The following PRKN variants were observed in gnomAD, a reference collection of about 807,000 sequenced individuals.
The protein encoded by PRKN is E3 ubiquitin-protein ligase parkin.
In PRKN, 56 loss-of-function variants were observed where a neutral mutation model predicts 59.5. The observed-to-expected ratio is 0.94, with a 90% CI of 0.76 to 1.18. The LOEUF (loss-of-function observed/expected upper bound fraction) is 1.18. PRKN is among the 50% of genes most tolerant of loss of function. The pLI, the probability that PRKN is intolerant of heterozygous loss-of-function variation, is 0.00. For synonymous variants in PRKN, 250 were observed against 222.1 expected (o/e 1.13, Z -1.12); for missense variants, 657 against 596.4 (o/e 1.10, Z -1.06).
At chr6:162,315,652 A>G (rs1782724896) in intron 2 of PRKN, among the ~76,000 whole-genome samples, 1 of 152,188 alleles carries the variant, frequency 6.6e-6, no homozygotes, top group Non-Finnish European at 1.5e-5. Context: ...CACTACCCAC[A>G]AAAAAGGTAG....
intron 2 of PRKN, chr6:162,265,259 C>T (rs1780077284): frequency 6.6e-6 from 1 of 152,186 alleles, no homozygotes. Context: ...CACGCCTGTA[C>T]ATTAGTGCGC....
At chr6:161,508,402 C>G (rs1277574788) in intron 9 of PRKN, among the ~76,000 whole-genome samples, 1 of 152,198 alleles carries the variant, frequency 6.6e-6, no homozygotes, top group African/African-American at 2.4e-5. Flanking sequence ...CCTTTAAAAA[C>G]CTGTCTCAAG....
rs397741750 is a variant in PRKN at position 161,417,448 on chromosome 6, CAAAA to C, written c.1084-30575_1084-30572del. Among the ~76,000 whole-genome samples the C allele has an allele frequency of 8.9e-6, 1 of 112,912 alleles. No homozygotes were observed. 74.1% of individuals were successfully genotyped at this position (112,912 alleles called of 152,430 possible). A position where few individuals can be genotyped will look rare whatever the true frequency, so the allele number is the denominator to read the frequency against. ...CTGGCAACAGAGCCAGACGCCGTTTCAAAAAAAAAAAAAAAAAGTCATCTAATGC... is the reference window on the plus strand; with the variant it reads ...CTGGCAACAGAGCCAGACGCCGTTTCAAAAAAAAAAAAAGTCATCTAATGC... On this transcript the variant is annotated intron_variant, in intron 9 of 11. Coordinates refer to ENST00000366898, the MANE Select transcript of PRKN (RefSeq NM_004562.3). This position sits in a 1 kb window ranked among gnomAD's most constrained non-coding sequence, Gnocchi z 5.4.
intron 6 of PRKN, among the ~76,000 whole-genome samples, chr6:161,900,928 A>ATATATTTTTT (rs377615355): frequency 8.0e-4 from 115 of 143,504 alleles, no homozygotes; most frequent in African/African-American, 2.8e-3. Context: ...ATATATATAT[A>ATATATTTTTT]TTTTTTAGAT....
At chr6:162,309,636 G>C (rs1009469303) in intron 2 of PRKN, among the ~76,000 whole-genome samples, 1 of 152,130 alleles carries the variant, frequency 6.6e-6, no homozygotes, top group Non-Finnish European at 1.5e-5. Context: ...CTGTGCGTAA[G>C]CTGTATGGAA....
chr6:161,424,124 T>C (rs932153277), intron 9 of PRKN, among the ~76,000 whole-genome samples: 3 of 151,812 alleles, frequency 2.0e-5, no homozygotes, highest in African/African-American at 7.3e-5. Flanking sequence ...ATCATTTGAG[T>C]CCAGGAGTTC....
intron 1 of PRKN, among the ~76,000 whole-genome samples, chr6:162,541,411 C>G (rs1340556864): frequency 1.3e-5 from 2 of 152,188 alleles, no homozygotes; most frequent in African/African-American, 4.8e-5. Context: ...CAGGGGCCAG[C>G]AAAGAGGCCA....
chr6:161,657,931 G>A (rs192921374), intron 7 of PRKN, among the ~76,000 whole-genome samples: 5 of 148,912 alleles, frequency 3.4e-5, no homozygotes, highest in African/African-American at 9.9e-5. Flanking sequence ...CAGGAGAATC[G>A]CTGGAACCCG....
chr6:161,798,249 T>G (rs1444568362), intron 6 of PRKN, among the ~76,000 whole-genome samples: 1 of 151,982 alleles, frequency 6.6e-6, no homozygotes, highest in Non-Finnish European at 1.5e-5. Context: ...AAAAATGAGT[T>G]CAGGTGCAAA....
chr6:161,994,574 A>G (rs1781769938), intron 5 of PRKN, among the ~76,000 whole-genome samples: 1 of 152,148 alleles, frequency 6.6e-6, no homozygotes, highest in Non-Finnish European at 1.5e-5. Flanking sequence ...AGAAAAACCT[A>G]GACTCCACCA....
intron 1 of PRKN, among the ~76,000 whole-genome samples, chr6:162,709,794 T>C (rs1363690177): frequency 1.3e-5 from 2 of 151,540 alleles, no homozygotes; most frequent in Admixed American, 1.3e-4. Flanking sequence ...GGAACATAGC[T>C]ATCTGGAGAA....
At position 161,449,923 on chromosome 6, in the gene PRKN, G is replaced by A. The variant is rs533398623; in HGVS notation, c.1084-63046C>T. Among the ~76,000 whole-genome samples, 9 of 152,202 alleles carry A rather than the reference G, an allele frequency of 5.9e-5. No individual in the cohort carries two copies. The South Asian group carries it at 1.5e-3, about 25-fold the overall frequency. On this transcript the variant is annotated intron_variant, in intron 9 of 11. Coordinates refer to ENST00000366898, the MANE Select transcript of PRKN (RefSeq NM_004562.3). ...TGCCATGACCCCCACACCCACCCAC[G>A]AGACTTTAGCTGTTCCAGAGCCAAC...
chr6:161,491,593 T>C (rs2115272793), intron 9 of PRKN, among the ~76,000 whole-genome samples: 1 of 152,304 alleles, frequency 6.6e-6, no homozygotes, highest in South Asian at 2.1e-4. Context: ...CCCAGCCATT[T>C]CATTTGCTCC....
chr6:162,222,437 T>G (rs182462135), intron 3 of PRKN, among the ~76,000 whole-genome samples: 39 of 152,266 alleles, frequency 2.6e-4, no homozygotes, highest in Admixed American at 6.5e-5. Flanking sequence ...TGAACTATCA[T>G]GCTGAGAGTC....
intron 7 of PRKN, among the ~76,000 whole-genome samples, chr6:161,774,612 G>A (rs1789843450): frequency 6.6e-6 from 1 of 152,158 alleles, no homozygotes; most frequent in African/African-American, 2.4e-5. Flanking sequence ...GGGCTGCTGT[G>A]GGTGACAGAA....
chr6:162,109,537 G>A (rs1562518942), intron 4 of PRKN, among the ~76,000 whole-genome samples: 1 of 152,188 alleles, frequency 6.6e-6, no homozygotes. Flanking sequence ...GACCAAGGAA[G>A]GAAAGCTACA....
At chr6:161,984,024 C>G (rs192305708) in intron 5 of PRKN, among the ~76,000 whole-genome samples, 3 of 152,124 alleles carry the variant, frequency 2.0e-5, no homozygotes, top group Non-Finnish European at 4.4e-5. Context: ...CCAATAAGCT[C>G]AGATGGCTGT....
chr6:162,313,527 C>T (rs994285245), intron 2 of PRKN, among the ~76,000 whole-genome samples: 8 of 151,760 alleles, frequency 5.3e-5, no homozygotes, highest in African/African-American at 1.9e-4. Flanking sequence ...TGCTCTTGTT[C>T]CCCAGGCTGG....
chr6:162,677,028 T>G (rs952524285), intron 1 of PRKN, among the ~76,000 whole-genome samples: 13 of 134,386 alleles, frequency 9.7e-5, no homozygotes, highest in Non-Finnish European at 3.0e-5. Context: ...GCAACTGCAC[T>G]CCAGCCTGGC....
Sources: gnomAD v4.1 joint callset for allele counts (sites outside exome capture counted in the v4.1 genomes callset) on GRCh38, gnomAD v4.1.1 for gene constraint, Gnocchi (gnomAD v3.1) non-coding constraint, MANE v1.5 for transcripts, NCBI Gene and HGNC (gene_info 2026-07-23, HGNC 2026-07-21) for gene names.